IPO7: variants seen among roughly 807,000 people sequenced by gnomAD.
IPO7 encodes the protein importin-7.
In IPO7, 13 loss-of-function variants were observed where a neutral mutation model predicts 136.4. That is an observed-to-expected ratio of 0.10 (90% CI 0.06 to 0.15). The LOEUF is 0.15. IPO7 is among the 10% of genes least tolerant of loss of function. IPO7 has a pLI of 1.00. For missense variants in IPO7, 857 were observed against 1,240.6 expected, an observed-to-expected ratio of 0.69 and a Z score of 4.65; for synonymous variants, 403 against 404.4, an observed-to-expected ratio of 1.00 and a Z score of 0.04.
At position 9,442,214 on chromosome 11, in the gene IPO7, T is replaced by C; in HGVS notation, c.3019+17T>C. 4.5e-6 allele frequency: 5 copies of C among 1,113,290 alleles called. 1 individual carries two copies. In the South Asian group the frequency reaches 6.6e-5, roughly 15 times the overall value. 69.0% of individuals were successfully genotyped at this position (1,113,290 alleles called of 1,614,324 possible). On this transcript the variant is annotated intron_variant, in intron 24 of 24. Coordinates refer to ENST00000379719, the MANE Select transcript of IPO7 (RefSeq NM_006391.3). ...CAGCCCATGGTATGTTAATTAACTG[T>C]AACTCCTCTTTAATTAGTGACTTTT...
intron 19 of IPO7, among the ~76,000 whole-genome samples, chr11:9,435,580 G>A (rs948853263): frequency 6.6e-6 from 1 of 152,086 alleles, no homozygotes; most frequent in Non-Finnish European, 1.5e-5. Context: ...TTTCCTTTCT[G>A]AACACGAAGT....
At position 9,417,048 on chromosome 11, in the gene IPO7, CT is replaced by C; in HGVS notation, c.637-7del. ...AGGATTTCGAAATATTAATTCTTGA[CT>C]TTTATTTAGTATACACTACCACTGG... On this transcript the variant is annotated splice_polypyrimidine_tract_variant and intron_variant, in intron 5 of 24. Coordinates refer to ENST00000379719, the MANE Select transcript of IPO7 (RefSeq NM_006391.3). 1 of 1,316,672 alleles carries C rather than the reference CT, an allele frequency of 7.6e-7. No individual in the cohort carries two copies. Among genetic ancestry groups the C allele is most frequent in the Non-Finnish European group, 1.1e-6 (1 of 925,968 alleles). The allele number at this position is 1,316,672 out of a possible 1,614,324, so 81.6% of individuals were successfully genotyped here. A position where few individuals can be genotyped will look rare whatever the true frequency, so the allele number is the denominator to read the frequency against.
intron 3 of IPO7, among the ~76,000 whole-genome samples, chr11:9,409,185 T>C (rs1854934201): frequency 6.6e-6 from 1 of 151,418 alleles, no homozygotes; most frequent in African/African-American, 2.4e-5. Context: ...CTCGGCTCGC[T>C]ACAGCCTCTG....
chr11:9,436,660 GTTTGT>G (rs1855372808), intron 20 of IPO7, among the ~76,000 whole-genome samples: 1 of 149,798 alleles, frequency 6.7e-6, no homozygotes, highest in South Asian at 2.1e-4. Context: ...TTTTTTGTTT[GTTTGT>G]TTTGTTTTGT....
At chr11:9,437,658 A>G (rs969439387) in intron 20 of IPO7, 96 bp from the exon 21 acceptor site, 2 of 856,254 alleles carry the variant, frequency 2.3e-6, no homozygotes, top group African/African-American at 1.7e-5. Context: ...TAATGCTACA[A>G]TAGGGTTAAT....
At chr11:9,396,582 C>T (rs1019483592) in intron 1 of IPO7, among the ~76,000 whole-genome samples, 3 of 152,138 alleles carry the variant, frequency 2.0e-5, no homozygotes, top group African/African-American at 2.4e-5. Context: ...CGCATTCCGC[C>T]CCGACCCCAT....
intron 12 of IPO7, among the ~76,000 whole-genome samples, chr11:9,425,879 CAAA>C (rs777336158): frequency 1.5e-5 from 1 of 66,946 alleles, no homozygotes; most frequent in Admixed American, 1.7e-4. Flanking sequence ...ACTCTGTCTC[CAAA>C]AAAAAAAAAA....
intron 1 of IPO7, among the ~76,000 whole-genome samples, chr11:9,398,650 T>C (rs940341932): frequency 1.9e-4 from 29 of 152,234 alleles, no homozygotes; most frequent in African/African-American, 6.8e-4. Flanking sequence ...ACAGTGGTGT[T>C]TCAGTACATG....
At chr11:9,385,780 G>C (rs964773760) in intron 1 of IPO7, among the ~76,000 whole-genome samples, 13 of 151,872 alleles carry the variant, frequency 8.6e-5, no homozygotes, top group Non-Finnish European at 1.5e-4. Flanking sequence ...CAGCTTAATT[G>C]CATGAATATT....
intron 16 of IPO7, among the ~76,000 whole-genome samples, chr11:9,432,869 T>A (rs959117382): frequency 6.6e-6 from 1 of 152,184 alleles, no homozygotes; most frequent in East Asian, 1.9e-4. Context: ...TTATTGAGAT[T>A]CGTAGCAATA....
intron 15 of IPO7, 197 bp from the exon 16 acceptor site, chr11:9,430,678 A>G (rs1018718965): frequency 1.9e-6 from 1 of 527,858 alleles, no homozygotes; most frequent in Non-Finnish European, 3.3e-6. Context: ...AAGAGAAGTC[A>G]AGTAGCTTGT....
chr11:9,421,528 T>C (rs889488280), intron 8 of IPO7, among the ~76,000 whole-genome samples: 1 of 150,840 alleles, frequency 6.6e-6, no homozygotes, highest in African/African-American at 2.4e-5. Flanking sequence ...TTGGGGAGGC[T>C]GAGGCAGGAG....
At position 9,403,252 on chromosome 11, in the gene IPO7, A is replaced by G. The variant is rs772054647; in HGVS notation, c.85-38A>G. 8 of 1,349,008 alleles carry G rather than the reference A, an allele frequency of 5.9e-6. No individual in the cohort carries two copies. The South Asian group carries it at 9.4e-5, about 16-fold the overall frequency. The allele number at this position is 1,349,008 out of a possible 1,614,324, so 83.6% of individuals were successfully genotyped here. ...TGATCTGTAATTTTAAAGTATATTT[A>G]TTTGCAGAAGTTTAAAATGGACTTT... is the stretch of plus-strand genomic sequence containing the variant. On this transcript the variant is annotated intron_variant, in intron 1 of 24. Transcript: ENST00000379719.
At chr11:9,388,182 T>A (rs1013361891) in intron 1 of IPO7, among the ~76,000 whole-genome samples, 82 of 127,484 alleles carry the variant, frequency 6.4e-4, no homozygotes, top group South Asian at 6.4e-3. Flanking sequence ...AATAAATAAA[T>A]TTTTTTTTTT....
At chr11:9,388,762 A>G (rs1854587243) in intron 1 of IPO7, among the ~76,000 whole-genome samples, 1 of 151,930 alleles carries the variant, frequency 6.6e-6, no homozygotes, top group African/African-American at 2.4e-5. Context: ...GCTCCACTGC[A>G]CTACATAGTA....
In IPO7 at chr11:9,438,225, C is replaced by T; in HGVS notation, c.2635C>T (p.His879Tyr). 6.2e-7 allele frequency: 1 copy of T among 1,611,334 alleles called. No individual in the cohort carries two copies. Among genetic ancestry groups the T allele is most frequent in the Non-Finnish European group, 8.5e-7 (1 of 1,178,200 alleles). ...CGGATTGAAAAGAGCATATGCCTGC[C>T]ATGCAGAACATGAGAATGACAGTGA... ...FNGLKRAYACHAEHENDSDDD... is the reference protein window; with the variant it reads ...FNGLKRAYACYAEHENDSDDD... The change falls in exon 22 of 25, where the codon CAT becomes TAT. Residue 879 changes from histidine (H) to tyrosine (Y), a missense_variant. By Grantham distance (83) the His-to-Tyr change is moderately conservative. Coordinates refer to ENST00000379719, the MANE Select transcript of IPO7 (RefSeq NM_006391.3).
chr11:9,413,957 T>C (rs1169552781), intron 4 of IPO7, among the ~76,000 whole-genome samples: 1 of 151,830 alleles, frequency 6.6e-6, no homozygotes, highest in Non-Finnish European at 1.5e-5. Context: ...AACTATGTAA[T>C]ACTGAGAAAG....
At chr11:9,432,100 G>A (rs79661987) in intron 16 of IPO7, among the ~76,000 whole-genome samples, 868 of 152,038 alleles carry the variant, frequency 5.7e-3, no homozygotes, top group Middle Eastern at 0.01. Context: ...TCATGAATTT[G>A]GTGTTTATAA....
chr11:9,397,361 T>TATATATATATATATTA lies in IPO7; in HGVS notation c.85-5925_85-5924insATATATATATTAATAT, dbSNP rs377148636. Among the ~76,000 whole-genome samples, 233 of 41,916 alleles carry TATATATATATATATTA rather than the reference T, an allele frequency of 5.6e-3. 12 individuals are homozygous for TATATATATATATATTA. Among genetic ancestry groups the TATATATATATATATTA allele is most frequent in the African/African-American group, 0.013 (113 of 8,640 alleles). 27.5% of individuals were successfully genotyped at this position (41,916 alleles called of 152,430 possible). A position where few individuals can be genotyped will look rare whatever the true frequency, so the allele number is the denominator to read the frequency against. On this transcript the variant is annotated intron_variant, in intron 1 of 24. Transcript: ENST00000379719. Reference sequence around the variant, plus strand: ...AAAAAAATATATATATATATATATATATATTAGTCGGGCACGGTGGCAGGT... The same window carrying TATATATATATATATTA: ...AAAAAAATATATATATATATATATATATATATATATATATTAATATTAGTCGGGCACGGTGGCAGGT...
Sources: gnomAD v4.1 joint callset for allele counts (sites outside exome capture counted in the v4.1 genomes callset) on GRCh38, gnomAD v4.1.1 for gene constraint, MANE v1.5 for transcripts, NCBI Gene and HGNC (gene_info 2026-07-23, HGNC 2026-07-21) for gene names.